The following SSBP2 variants were observed in gnomAD, a reference collection of about 807,000 sequenced individuals.
SSBP2 encodes single stranded DNA binding protein 2.
SSBP2 carries 17 observed loss-of-function variants against 61.8 expected under a neutral mutation model. That is an observed-to-expected ratio of 0.28 (90% CI 0.19 to 0.41). SSBP2 has a LOEUF of 0.41. SSBP2 is among the 10% of genes least tolerant of loss of function. SSBP2 has a pLI of 1.00. For missense variants in SSBP2, 310 were observed against 458.7 expected (o/e 0.68, Z 2.96); for synonymous variants, 139 against 141.3 (o/e 0.98, Z 0.12).
chr5:81,728,120 C>T (rs73768114), intron 1 of SSBP2, among the ~76,000 whole-genome samples: 14,937 of 152,166 alleles, frequency 0.098, 820 homozygotes, highest in Middle Eastern at 0.2. Flanking sequence ...GATAATTCAG[C>T]GTCCTGTGAA....
intron 6 of SSBP2, among the ~76,000 whole-genome samples, chr5:81,476,985 GGT>G (rs1432942769): frequency 1.3e-5 from 2 of 151,812 alleles, no homozygotes; most frequent in African/African-American, 2.4e-5. Flanking sequence ...GAAGCCTTCA[GGT>G]GTGTGTGTGT....
chr5:81,493,969 T>A (rs1429552621), intron 5 of SSBP2, among the ~76,000 whole-genome samples: 1 of 152,116 alleles, frequency 6.6e-6, no homozygotes, highest in African/African-American at 2.4e-5. Flanking sequence ...ACAAGGAAGA[T>A]AAAAATGACT....
At chr5:81,704,257 G>A (rs183416329) in intron 1 of SSBP2, among the ~76,000 whole-genome samples, 1 of 152,090 alleles carries the variant, frequency 6.6e-6, no homozygotes, top group African/African-American at 2.4e-5. Context: ...CTTCACTAAC[G>A]AATATAAAAA....
chr5:81,537,402 C>G (rs943790451), intron 4 of SSBP2, among the ~76,000 whole-genome samples: 1 of 152,124 alleles, frequency 6.6e-6, no homozygotes, highest in Non-Finnish European at 1.5e-5. Context: ...TCTAGAAAGA[C>G]ATTTCAAAAT....
intron 5 of SSBP2, among the ~76,000 whole-genome samples, chr5:81,498,783 CAAT>C (rs1310107435): frequency 6.6e-6 from 1 of 151,918 alleles, no homozygotes; most frequent in Admixed American, 6.6e-5. Context: ...CATGTGCTAT[CAAT>C]AAGTATTAAA....
intron 4 of SSBP2, among the ~76,000 whole-genome samples, chr5:81,577,438 A>G (rs1329724229): frequency 6.6e-6 from 1 of 152,022 alleles, no homozygotes; most frequent in African/African-American, 2.4e-5. Context: ...GGGTCTTTTC[A>G]AAATGCTAAA....
intron 4 of SSBP2, among the ~76,000 whole-genome samples, chr5:81,609,823 G>T (rs1745266203): frequency 6.6e-6 from 1 of 152,010 alleles, no homozygotes; most frequent in Non-Finnish European, 1.5e-5. Flanking sequence ...TGGTGTCTTT[G>T]TTTTAACCTT....
At chr5:81,493,699 T>C (rs1052126650) in intron 5 of SSBP2, among the ~76,000 whole-genome samples, 1 of 151,384 alleles carries the variant, frequency 6.6e-6, no homozygotes, top group Non-Finnish European at 1.5e-5. Flanking sequence ...GGGGTTGCAG[T>C]GAGCCAAGAC....
intron 1 of SSBP2, among the ~76,000 whole-genome samples, chr5:81,673,794 T>A (rs543942873): frequency 2.0e-5 from 3 of 152,194 alleles, no homozygotes; most frequent in African/African-American, 4.8e-5. Flanking sequence ...TGAATTAAAA[T>A]GATAAGAAGG....
intron 4 of SSBP2, among the ~76,000 whole-genome samples, chr5:81,517,145 G>C (rs961438882): frequency 2.6e-5 from 4 of 151,904 alleles, no homozygotes; most frequent in African/African-American, 9.7e-5. Flanking sequence ...TTTCATTATA[G>C]CTCTCTCTTA....
At chr5:81,669,279 T>C (rs2153781602) in intron 1 of SSBP2, among the ~76,000 whole-genome samples, 1 of 152,304 alleles carries the variant, frequency 6.6e-6, no homozygotes, top group South Asian at 2.1e-4. Context: ...TTTGGCAATT[T>C]CTTACAAAGC....
intron 12 of SSBP2, 103 bp downstream of exon 12, chr5:81,446,765 G>A (rs554290542): frequency 1.5e-5 from 17 of 1,115,696 alleles, no homozygotes; most frequent in African/African-American, 9.6e-5. Flanking sequence ...TTTAACTATC[G>A]TGAGAACATG....
intron 6 of SSBP2, among the ~76,000 whole-genome samples, chr5:81,479,054 A>G (rs1247111124): frequency 1.3e-5 from 2 of 152,218 alleles, no homozygotes; most frequent in Admixed American, 6.5e-5. Flanking sequence ...CTTTTTACTC[A>G]TCACTGTTTG....
chr5:81,744,557 C>T (rs940305233), intron 1 of SSBP2, among the ~76,000 whole-genome samples: 4 of 151,486 alleles, frequency 2.6e-5, no homozygotes, highest in African/African-American at 7.3e-5. Flanking sequence ...AAGCTATATT[C>T]GTAATTACAA....
rs1332086906 is a variant in SSBP2 at position 81,712,622 on chromosome 5, A to T, written c.62+38359T>A. 1.3e-5 allele frequency among the ~76,000 whole-genome samples: 2 copies of T among 151,432 alleles called. 1 individual carries two copies. The highest frequency in any genetic ancestry group is 4.9e-5 in the African/African-American group (2 of 41,136). On this transcript the variant is annotated intron_variant, in intron 1 of 16. Transcript: ENST00000320672. ...GACTCCGTCTCAAAAAAAAAAAAAAAAATAAAGATTACAGATTTCTGGCTA... is the reference window on the plus strand; with the variant it reads ...GACTCCGTCTCAAAAAAAAAAAAAATAATAAAGATTACAGATTTCTGGCTA...
intron 4 of SSBP2, among the ~76,000 whole-genome samples, chr5:81,539,818 A>G (rs1318449360): frequency 3.3e-5 from 5 of 152,138 alleles, no homozygotes. Context: ...ATAGGTATAC[A>G]CGTGCCATGG....
intron 5 of SSBP2, among the ~76,000 whole-genome samples, chr5:81,508,009 G>T (rs1768311355): frequency 6.6e-6 from 1 of 152,062 alleles, no homozygotes; most frequent in African/African-American, 2.4e-5. Context: ...AAAGTCCTTT[G>T]CCTGTCCTTT....
chr5:81,422,610 T>C (rs1037945892), intron 16 of SSBP2, among the ~76,000 whole-genome samples: 1 of 152,118 alleles, frequency 6.6e-6, no homozygotes, highest in Admixed American at 6.5e-5. Flanking sequence ...ATCCTGTATG[T>C]AGGATTATAG....
intron 1 of SSBP2, among the ~76,000 whole-genome samples, chr5:81,673,709 A>G (rs1330658877): frequency 1.3e-5 from 2 of 152,212 alleles, no homozygotes; most frequent in Admixed American, 6.5e-5. Flanking sequence ...AAAAGGCCCA[A>G]ATACTTAATA....
Sources: gnomAD v4.1 joint callset for allele counts (sites outside exome capture counted in the v4.1 genomes callset) on GRCh38, gnomAD v4.1.1 for gene constraint, MANE v1.5 for transcripts, NCBI Gene and HGNC (gene_info 2026-07-23, HGNC 2026-07-21) for gene names.